The following TP63 variants were observed in gnomAD, a reference collection of about 807,000 sequenced individuals.
The protein encoded by TP63 is tumor protein 63.
Under a neutral mutation model 82.8 loss-of-function variants are expected in TP63, and 17 were observed. The observed-to-expected ratio is 0.21, with a 90% CI of 0.14 to 0.31. The LOEUF (loss-of-function observed/expected upper bound fraction) is 0.31, where lower values mean the gene tolerates loss of function less well. Ranked by LOEUF, TP63 falls within the 10% of genes least tolerant of loss-of-function variation. The probability of loss-of-function intolerance (pLI) is 1.00; values close to 1 mark genes in which losing one functional copy is unlikely to be tolerated. For synonymous variants in TP63, 330 were observed against 321.7 expected (o/e 1.03, Z -0.28); for missense variants, 648 against 895.3 (o/e 0.72, Z 3.52).
chr3:189,664,501 T>G (rs372403459), intron 1 of TP63, among the ~76,000 whole-genome samples: 4 of 152,150 alleles, frequency 2.6e-5, no homozygotes, highest in East Asian at 3.9e-4. Flanking sequence ...CATAGACATC[T>G]GAATCCCACA....
At chr3:189,851,062 C>T (rs1163760768) in intron 4 of TP63, among the ~76,000 whole-genome samples, 1 of 152,192 alleles carries the variant, frequency 6.6e-6, no homozygotes, top group African/African-American at 2.4e-5. Flanking sequence ...AGGCTTCAGT[C>T]ATAATTGTTA....
intron 3 of TP63, among the ~76,000 whole-genome samples, chr3:189,749,094 A>T (rs528873190): frequency 2.2e-4 from 34 of 152,214 alleles, no homozygotes; most frequent in Admixed American, 1.6e-3. Flanking sequence ...AACATAGAAC[A>T]CTTCAGAACA....
intron 4 of TP63, among the ~76,000 whole-genome samples, chr3:189,842,717 C>T (rs1714310230): frequency 6.6e-6 from 1 of 152,194 alleles, no homozygotes; most frequent in Admixed American, 6.5e-5. Context: ...CTGCTTTCAA[C>T]TTTTGAGCTC....
chr3:189,692,085 ACT>A (rs1210055095), intron 1 of TP63, among the ~76,000 whole-genome samples: 3 of 152,016 alleles, frequency 2.0e-5, no homozygotes, highest in African/African-American at 7.3e-5. Flanking sequence ...TATTTCTAGC[ACT>A]CTCTATTATT....
intron 4 of TP63, among the ~76,000 whole-genome samples, chr3:189,860,434 T>C (rs1183266284): frequency 6.6e-6 from 1 of 152,114 alleles, no homozygotes; most frequent in East Asian, 1.9e-4. Flanking sequence ...TTTATACACA[T>C]AGACCAGGGA....
At chr3:189,748,841 G>A (rs1156762938) in intron 3 of TP63, among the ~76,000 whole-genome samples, 1 of 151,952 alleles carries the variant, frequency 6.6e-6, no homozygotes, top group Non-Finnish European at 1.5e-5. Context: ...CAGATACATA[G>A]GTCAATGAGA....
chr3:189,725,616 C>T (rs1033859921), intron 1 of TP63, among the ~76,000 whole-genome samples: 129 of 151,834 alleles, frequency 8.5e-4, no homozygotes, highest in African/African-American at 2.7e-3. Flanking sequence ...GGGAACCACA[C>T]GAGGGAATTT....
At chr3:189,667,012 G>A (rs1362396550) in intron 1 of TP63, among the ~76,000 whole-genome samples, 2 of 141,346 alleles carry the variant, frequency 1.4e-5, no homozygotes, top group African/African-American at 2.6e-5. Context: ...GACAGCACAG[G>A]CTTACAGTTT....
intron 1 of TP63, among the ~76,000 whole-genome samples, chr3:189,660,978 G>C (rs1333448860): frequency 2.6e-5 from 4 of 151,976 alleles, no homozygotes; most frequent in Non-Finnish European, 5.9e-5. Context: ...AAGCCTTTTG[G>C]TGGAGTCTTT....
At chr3:189,787,736 A>C (rs915973166) in intron 3 of TP63, among the ~76,000 whole-genome samples, 1 of 152,046 alleles carries the variant, frequency 6.6e-6, no homozygotes, top group African/African-American at 2.4e-5. Flanking sequence ...TAGTGTAAAA[A>C]ACAATTTAAT....
chr3:189,806,694 T>G (rs1051143571), intron 3 of TP63, among the ~76,000 whole-genome samples: 7 of 152,226 alleles, frequency 4.6e-5, no homozygotes, highest in Non-Finnish European at 1.0e-4. Context: ...GACAAACAGC[T>G]GCTCTTGTCA....
intron 3 of TP63, among the ~76,000 whole-genome samples, chr3:189,765,080 C>T (rs935039256): frequency 2.0e-5 from 3 of 152,100 alleles, no homozygotes; most frequent in African/African-American, 7.2e-5. Flanking sequence ...TGAAAGGAAT[C>T]AGCAGAAACC....
chr3:189,608,592 T>C, the TP63 span, among the ~76,000 whole-genome samples: 1 of 152,168 alleles, frequency 6.6e-6, no homozygotes, highest in East Asian at 1.9e-4. Context: ...AACTTGACTT[T>C]TATACTTTGT....
intron 1 of TP63, among the ~76,000 whole-genome samples, chr3:189,645,080 G>A (rs1469215095): frequency 6.6e-6 from 1 of 152,076 alleles, no homozygotes; most frequent in East Asian, 1.9e-4. Context: ...TGTTACCCAT[G>A]AATCGATATA....
intron 1 of TP63, among the ~76,000 whole-genome samples, chr3:189,733,982 A>G (rs1720359705): frequency 1.3e-5 from 2 of 151,816 alleles, no homozygotes; most frequent in Non-Finnish European, 2.9e-5. Flanking sequence ...TTCCTTCCCT[A>G]TATAACTCTG....
rs1012488306 is a variant in TP63, at chr3:189,848,298, G to A, written c.580-15934G>A. On this transcript the variant is annotated intron_variant, in intron 4 of 13. Coordinates refer to ENST00000264731, the MANE Select transcript of TP63 (RefSeq NM_003722.5). ...TGCCTAGGCTGGAGTGCACTGGTCT[G>A]AGGATGGCTCACTGTAACCTCAACC... is the stretch of plus-strand genomic sequence containing the variant. Among the ~76,000 whole-genome samples the A allele has an allele frequency of 5.1e-5, 7 of 136,678 alleles. No individual in the cohort carries two copies. In the Admixed American group the frequency reaches 5.7e-4, roughly 11 times the overall value. 89.7% of individuals were successfully genotyped at this position (136,678 alleles called of 152,430 possible). A position where few individuals can be genotyped will look rare whatever the true frequency, so the allele number is the denominator to read the frequency against.
intron 1 of TP63, among the ~76,000 whole-genome samples, chr3:189,736,548 A>G (rs1240004637): frequency 1.3e-5 from 2 of 152,072 alleles, no homozygotes; most frequent in African/African-American, 4.8e-5. Context: ...TAACACATTT[A>G]CTGTAGGTTT....
intron 3 of TP63, among the ~76,000 whole-genome samples, chr3:189,770,901 T>A (rs1366831158): frequency 6.6e-6 from 1 of 152,186 alleles, no homozygotes; most frequent in African/African-American, 2.4e-5. Context: ...GAATGATACT[T>A]ATCCATCAAA....
At chr3:189,763,079 A>G (rs1722697245) in intron 3 of TP63, among the ~76,000 whole-genome samples, 1 of 152,084 alleles carries the variant, frequency 6.6e-6, no homozygotes, top group South Asian at 2.1e-4. Context: ...AAGATCAGCC[A>G]GGGTAACCTA....
Sources: gnomAD v4.1 joint callset for allele counts (sites outside exome capture counted in the v4.1 genomes callset) on GRCh38, gnomAD v4.1.1 for gene constraint, MANE v1.5 for transcripts, NCBI Gene and HGNC (gene_info 2026-07-23, HGNC 2026-07-21) for gene names.